The following FKBP1A variants were observed in gnomAD, a reference collection of about 807,000 sequenced individuals.
The protein encoded by FKBP1A is FKBP prolyl isomerase 1A.
FKBP1A carries 5 observed loss-of-function variants against 14.2 expected under a neutral mutation model. The ratio of observed to expected loss-of-function variants is 0.35; its 90% CI spans 0.18 to 0.74. FKBP1A has a LOEUF of 0.74. Ranked by LOEUF, FKBP1A falls within the 30% of genes least tolerant of loss-of-function variation. The pLI is 0.56. For missense variants in FKBP1A, 53 were observed against 138.8 expected, an observed-to-expected ratio of 0.38 and a Z score of 3.10; for synonymous variants, 42 against 49.1, an observed-to-expected ratio of 0.86 and a Z score of 0.60.
intron 3 of FKBP1A, among the ~76,000 whole-genome samples, chr20:1,373,392 C>CAAA (rs1306428050): frequency 6.6e-6 from 1 of 152,130 alleles, no homozygotes; most frequent in Non-Finnish European, 1.5e-5. Context: ...AGAAAGCTGC[C>CAAA]AAAATGGTCC....
chr20:1,371,673 T>C, intron 4 of FKBP1A: 1 of 981,974 alleles, frequency 1.0e-6, no homozygotes, highest in Non-Finnish European at 1.2e-6. Flanking sequence ...AAAGGGCTTT[T>C]TTTTTCCCCC....
At chr20:1,391,207 G>A (rs1287512452) in intron 2 of FKBP1A, among the ~76,000 whole-genome samples, 5 of 152,094 alleles carry the variant, frequency 3.3e-5, no homozygotes, top group Admixed American at 2.6e-4. Flanking sequence ...GAGGGGGTGC[G>A]GCAGAAGGCA....
At chr20:1,383,704 T>TA in intron 2 of FKBP1A, among the ~76,000 whole-genome samples, 1 of 139,808 alleles carries the variant, frequency 7.2e-6, no homozygotes, top group South Asian at 2.2e-4. Context: ...AAAAAAAAAA[T>TA]TTAGCCAGAC....
intron 2 of FKBP1A, among the ~76,000 whole-genome samples, chr20:1,385,125 C>T (rs750885783): frequency 2.6e-5 from 4 of 152,188 alleles, no homozygotes; most frequent in Non-Finnish European, 4.4e-5. Context: ...TGCAGTGGCT[C>T]ACGCCTGTAA....
chr20:1,371,426 A>G (rs2089462733), intron 4 of FKBP1A, among the ~76,000 whole-genome samples: 1 of 152,086 alleles, frequency 6.6e-6, no homozygotes, highest in Non-Finnish European at 1.5e-5. Flanking sequence ...GGCCCCTAAG[A>G]TCCCTTCCTA....
At chr20:1,384,282 T>A (rs901572288) in intron 2 of FKBP1A, among the ~76,000 whole-genome samples, 2 of 152,230 alleles carry the variant, frequency 1.3e-5, no homozygotes, top group African/African-American at 2.4e-5. Flanking sequence ...ACAGCGGTTC[T>A]AGCTGACTCC....
At chr20:1,383,075 G>C (rs1027779593) in intron 2 of FKBP1A, among the ~76,000 whole-genome samples, 1 of 152,142 alleles carries the variant, frequency 6.6e-6, no homozygotes, top group African/African-American at 2.4e-5. Context: ...CCAGGACCTG[G>C]AGATTCACAA....
chr20:1,383,618 T>A (rs2089639277), intron 2 of FKBP1A, among the ~76,000 whole-genome samples: 1 of 149,166 alleles, frequency 6.7e-6, no homozygotes, highest in African/African-American at 2.5e-5. Flanking sequence ...GAGACTGGCA[T>A]GAGTTTGCAA....
At chr20:1,382,942 C>T (rs1053346774) in intron 2 of FKBP1A, among the ~76,000 whole-genome samples, 2 of 152,164 alleles carry the variant, frequency 1.3e-5, no homozygotes, top group Non-Finnish European at 2.9e-5. Context: ...CTGCTCTTTC[C>T]TGTTGCTTTT....
chr20:1,370,361 T>G (rs1254071049), intron 4 of FKBP1A: 1 of 985,320 alleles, frequency 1.0e-6, no homozygotes, highest in Non-Finnish European at 1.2e-6. Flanking sequence ...GACAATACAG[T>G]TCCCCACTAT....
intron 2 of FKBP1A, among the ~76,000 whole-genome samples, chr20:1,385,725 G>C (rs1477177510): frequency 6.6e-6 from 1 of 152,158 alleles, no homozygotes; most frequent in Non-Finnish European, 1.5e-5. Flanking sequence ...GATTACTCTT[G>C]TACTTTTCCA....
chr20:1,385,777 G>A (rs1379648533), intron 2 of FKBP1A, among the ~76,000 whole-genome samples: 1 of 152,080 alleles, frequency 6.6e-6, no homozygotes. Flanking sequence ...TACACACCAG[G>A]GATACCTCCA....
chr20:1,388,507 T>C (rs559205314), intron 2 of FKBP1A, among the ~76,000 whole-genome samples: 32 of 152,294 alleles, frequency 2.1e-4, no homozygotes, highest in African/African-American at 6.7e-4. Flanking sequence ...ATAGACAGCA[T>C]GTGGAAGCTG....
Position 1,369,933 on chromosome 20 carries a change from A to T in FKBP1A, c.*176T>A, listed in dbSNP as rs1261795152. Reference sequence around the variant, plus strand: ...GAGGAGAAAGGGGAAGAGGAAACAGAGGTGTCGGAAGCAAAGCTGAGTGAC... The same window carrying T: ...GAGGAGAAAGGGGAAGAGGAAACAGTGGTGTCGGAAGCAAAGCTGAGTGAC... On this transcript the variant is annotated 3_prime_UTR_variant, in exon 5 of 5. Transcript: ENST00000400137. The T allele has an allele frequency of 1.5e-6, 2 of 1,305,588 alleles. No homozygotes were observed. The highest frequency in any genetic ancestry group is 2.1e-6 in the Non-Finnish European group (2 of 947,120). The allele number at this position is 1,305,588 out of a possible 1,614,324, so 80.9% of individuals were successfully genotyped here. A position where few individuals can be genotyped will look rare whatever the true frequency, so the allele number is the denominator to read the frequency against.
rs375423459 is a variant in FKBP1A, at chr20:1,384,729, T to TGAAGTGGGGTTCTGGG, written c.85+8104_85+8105insCCCAGAACCCCACTTC. The stretch of plus-strand genomic sequence containing the variant: ...TGGCTGTATTCCAGCACAACCTCCC[T>TGAAGTGGGGTTCTGGG]GAAGTGGGGTTCTGAGAACTCCTTA... On this transcript the variant is annotated intron_variant, in intron 2 of 4. Transcript: ENST00000400137. Among the ~76,000 whole-genome samples the TGAAGTGGGGTTCTGGG allele has an allele frequency of 2.0e-3, 310 of 152,294 alleles. 12 individuals carry two copies. The East Asian group carries it at 0.053, about 26-fold the overall frequency.
At chr20:1,370,592 A>G (rs2089450845) in intron 4 of FKBP1A, 1 of 985,272 alleles carries the variant, frequency 1.0e-6, no homozygotes, top group African/African-American at 1.7e-5. Context: ...TATCTCCAGT[A>G]TTCATTCATT....
rs1386028831 is a variant in FKBP1A at position 1,379,128 on chromosome 20, G to A, written c.86-3525C>T. 2.6e-5 allele frequency among the ~76,000 whole-genome samples: 4 copies of A among 152,084 alleles called. No homozygotes were observed. The highest frequency in any genetic ancestry group is 1.3e-4 in the Admixed American group (2 of 15,266). ...CTTATTTCTTGCCAAACTTGAACAC[G>A]GCTCTGACCTGTGCAAGATCGTATT... On this transcript the variant is annotated intron_variant, in intron 2 of 4. Transcript: ENST00000400137. This position sits in a 1 kb window ranked among gnomAD's most constrained non-coding sequence, Gnocchi z 4.3.
At position 1,393,035 on chromosome 20, in the gene FKBP1A, G is replaced by T; in HGVS notation, c.-37C>A. ...ACGCTGAGCGGGCGGGCGGCGCGACGGGCGGCGTGGACCAACAGCGACCTG... is the reference window on the plus strand; with the variant it reads ...ACGCTGAGCGGGCGGGCGGCGCGACTGGCGGCGTGGACCAACAGCGACCTG... On this transcript the variant is annotated 5_prime_UTR_variant, in exon 1 of 5. Coordinates refer to ENST00000400137, the MANE Select transcript of FKBP1A (RefSeq NM_000801.5). 2 of 1,375,224 alleles carry T rather than the reference G, an allele frequency of 1.5e-6. No individual in the cohort carries two copies. The highest frequency in any genetic ancestry group is 1.9e-6 in the Non-Finnish European group (2 of 1,039,706). 85.2% of individuals were successfully genotyped at this position (1,375,224 alleles called of 1,614,324 possible).
At chr20:1,387,204 C>A (rs911220340) in intron 2 of FKBP1A, among the ~76,000 whole-genome samples, 4 of 151,652 alleles carry the variant, frequency 2.6e-5, no homozygotes, top group Non-Finnish European at 4.4e-5. Context: ...AAATTATATT[C>A]AATAAAGCTG....
Sources: allele counts gnomAD v4.1 joint callset (sites outside exome capture counted in the v4.1 genomes callset), GRCh38; gene constraint gnomAD v4.1.1; non-coding constraint Gnocchi (gnomAD v3.1); transcripts MANE v1.5; gene names NCBI Gene and HGNC (gene_info 2026-07-23, HGNC 2026-07-21).